FHOD3: variants seen among roughly 807,000 people sequenced by gnomAD.
The protein encoded by FHOD3 is formin homology 2 domain containing 3.
In FHOD3, 90 loss-of-function variants were observed where a neutral mutation model predicts 173.0. That is an observed-to-expected ratio of 0.52 (90% CI 0.44 to 0.62). FHOD3 has a LOEUF of 0.62. Ranked by LOEUF, FHOD3 falls within the 20% of genes least tolerant of loss-of-function variation. FHOD3 has a pLI of 0.00. For missense variants in FHOD3, 1,945 were observed against 2,034.7 expected (o/e 0.96, Z 0.85); for synonymous variants, 828 against 823.0 (o/e 1.01, Z -0.10).
intron 3 of FHOD3, among the ~76,000 whole-genome samples, chr18:36,443,698 A>G (rs2051285243): frequency 6.6e-6 from 1 of 152,200 alleles, no homozygotes; most frequent in Non-Finnish European, 1.5e-5. Flanking sequence ...TGCTGGTTTT[A>G]TACCTCCTGA....
intron 2 of FHOD3, among the ~76,000 whole-genome samples, chr18:36,367,662 A>G (rs2145983765): frequency 6.6e-6 from 1 of 152,296 alleles, no homozygotes; most frequent in South Asian, 2.1e-4. Context: ...GAAGGCAGAT[A>G]TCAAATTTTG....
intron 3 of FHOD3, among the ~76,000 whole-genome samples, chr18:36,393,673 A>C (rs888991956): frequency 4.6e-5 from 7 of 152,196 alleles, no homozygotes; most frequent in Admixed American, 4.6e-4. Context: ...CTGGAGTCCC[A>C]GTTGTGTGCC....
chr18:36,763,196 A>T (rs532539940), intron 27 of FHOD3, among the ~76,000 whole-genome samples: 3 of 148,122 alleles, frequency 2.0e-5, no homozygotes, highest in African/African-American at 7.3e-5. Flanking sequence ...TATGTGTATT[A>T]TATACGTTAT....
At chr18:36,630,278 C>T (rs1367602781) in intron 10 of FHOD3, among the ~76,000 whole-genome samples, 1 of 152,146 alleles carries the variant, frequency 6.6e-6, no homozygotes, top group Non-Finnish European at 1.5e-5. Context: ...ATTTTACAAA[C>T]AAATGTCATG....
intron 3 of FHOD3, among the ~76,000 whole-genome samples, chr18:36,465,606 GC>G (rs1447432742): frequency 6.6e-6 from 1 of 152,174 alleles, no homozygotes; most frequent in African/African-American, 2.4e-5. Flanking sequence ...TTGGCTGATG[GC>G]TTCCTAATGA....
intron 1 of FHOD3, among the ~76,000 whole-genome samples, chr18:36,307,323 A>G (rs1428825092): frequency 1.3e-5 from 2 of 152,176 alleles, no homozygotes; most frequent in Non-Finnish European, 2.9e-5. Context: ...TGGTCCTCAT[A>G]TCTCCACAGA....
chr18:36,337,069 A>G (rs2045354974), intron 1 of FHOD3, among the ~76,000 whole-genome samples: 1 of 148,788 alleles, frequency 6.7e-6, no homozygotes. Flanking sequence ...GTTACTCGGG[A>G]GGCTGAGGCA....
chr18:36,587,521 G>A (rs541554289), intron 6 of FHOD3, among the ~76,000 whole-genome samples: 58 of 152,318 alleles, frequency 3.8e-4, no homozygotes, highest in African/African-American at 1.4e-3. Flanking sequence ...GCCAGGCGCG[G>A]TGGCTCACGC....
intron 5 of FHOD3, among the ~76,000 whole-genome samples, chr18:36,573,936 G>C (rs2058552373): frequency 6.6e-6 from 1 of 152,148 alleles, no homozygotes; most frequent in Admixed American, 6.5e-5. Flanking sequence ...AGGACTTCGA[G>C]GCTCTTAGTA....
At chr18:36,415,059 C>G (rs1248532069) in intron 3 of FHOD3, among the ~76,000 whole-genome samples, 1 of 152,122 alleles carries the variant, frequency 6.6e-6, no homozygotes, top group Non-Finnish European at 1.5e-5. Context: ...GATTTTTGGG[C>G]ACCTCCATTT....
intron 3 of FHOD3, among the ~76,000 whole-genome samples, chr18:36,442,840 C>T (rs2051232769): frequency 6.6e-6 from 1 of 152,170 alleles, no homozygotes; most frequent in Non-Finnish European, 1.5e-5. Context: ...GTATCCAATC[C>T]AGGATCACAC....
At chr18:36,298,659 C>A (rs1482086904) in intron 1 of FHOD3, among the ~76,000 whole-genome samples, 2 of 151,290 alleles carry the variant, frequency 1.3e-5, no homozygotes, top group East Asian at 3.9e-4. Context: ...GGAGGAGGGG[C>A]GGGGGCGCGG....
intron 3 of FHOD3, among the ~76,000 whole-genome samples, chr18:36,494,891 T>C (rs1219822912): frequency 6.6e-6 from 1 of 152,154 alleles, no homozygotes; most frequent in East Asian, 1.9e-4. Context: ...TGCTGGTAGG[T>C]AGAAGAGGAT....
At chr18:36,709,553 C>G (rs1016032554) in intron 18 of FHOD3, 162 bp downstream of exon 18, 1 of 731,810 alleles carries the variant, frequency 1.4e-6, no homozygotes, top group East Asian at 2.7e-5. Flanking sequence ...AGTGTGGCCA[C>G]GCTGGCAGCC....
At chr18:36,769,487 C>T (rs536050008) in intron 28 of FHOD3, 61 bp downstream of exon 28, 20 of 1,557,282 alleles carry the variant, frequency 1.3e-5, no homozygotes, top group Admixed American at 5.7e-5. Flanking sequence ...TCCCATTCTA[C>T]GTGAACTGGG....
chr18:36,672,828 G>C (rs1458045656), intron 14 of FHOD3, among the ~76,000 whole-genome samples: 1 of 152,210 alleles, frequency 6.6e-6, no homozygotes, highest in Middle Eastern at 3.2e-3. Context: ...TGTTCAAAAA[G>C]TAATTGCAGG....
At chr18:36,570,400 T>G (rs2058412799) in intron 5 of FHOD3, among the ~76,000 whole-genome samples, 1 of 152,140 alleles carries the variant, frequency 6.6e-6, no homozygotes, top group Non-Finnish European at 1.5e-5. Context: ...AAATTTAATT[T>G]GCAGTTAACC....
rs894918974 is a variant in FHOD3, at chr18:36,736,434, T to C, written c.3577-4222T>C. On this transcript the variant is annotated intron_variant, in intron 20 of 28. Transcript: ENST00000590592. ...GCTCTTGTTTAGCGTCCAGAAAAAA[T>C]CAGGTCACATAAACGAATTGAAAGA... Among the ~76,000 whole-genome samples the C allele has an allele frequency of 2.6e-5, 4 of 152,164 alleles. No individual in the cohort carries two copies. In the East Asian group the frequency reaches 7.7e-4, roughly 29 times the overall value.
chr18:36,504,128 C>T (rs952850471), intron 4 of FHOD3, among the ~76,000 whole-genome samples: 2 of 152,114 alleles, frequency 1.3e-5, no homozygotes, highest in African/African-American at 4.8e-5. Context: ...ACCATATTGG[C>T]CAGGCTGGGC....
Sources: allele counts gnomAD v4.1 joint callset (sites outside exome capture counted in the v4.1 genomes callset), GRCh38; gene constraint gnomAD v4.1.1; transcripts MANE v1.5; gene names NCBI Gene and HGNC (gene_info 2026-07-23, HGNC 2026-07-21).